The following TCF7L1 variants were observed in gnomAD, a reference collection of about 807,000 sequenced individuals.
TCF7L1 encodes transcription factor 7 like 1.
In TCF7L1, 18 loss-of-function variants were observed where a neutral mutation model predicts 63.7. The ratio of observed to expected loss-of-function variants is 0.28; its 90% CI spans 0.20 to 0.42. The LOEUF (loss-of-function observed/expected upper bound fraction) is 0.42. TCF7L1 is among the 10% of genes least tolerant of loss of function. TCF7L1 has a pLI of 1.00. For missense variants in TCF7L1, 654 were observed against 779.3 expected (o/e 0.84, Z 1.91); for synonymous variants, 355 against 340.9 (o/e 1.04, Z -0.46).
At chr2:85,150,056 T>C (rs7570315) in intron 3 of TCF7L1, among the ~76,000 whole-genome samples, 13,400 of 152,282 alleles carry the variant, frequency 0.088, 679 homozygotes, top group African/African-American at 0.11. Flanking sequence ...ATGGAACTTA[T>C]TAAGATTTTG....
In TCF7L1 at chr2:85,238,777, TTTTATTTATTTATTTATTTA is replaced by T. The variant is rs200688175; in HGVS notation, c.442-44682_442-44663del. 5.7e-3 allele frequency among the ~76,000 whole-genome samples: 795 copies of T among 139,450 alleles called. 4 individuals carry two copies. The highest frequency in any genetic ancestry group is 8.0e-3 in the African/African-American group (303 of 37,872). The allele number at this position is 139,450 out of a possible 152,430, so 91.5% of individuals were successfully genotyped here. On this transcript the variant is annotated intron_variant, in intron 3 of 11. Coordinates refer to ENST00000282111, the MANE Select transcript of TCF7L1 (RefSeq NM_031283.3). ...GGACAGGGAACAATCTTTTGGAGCATTTTATTTATTTATTTATTTATTTATTTATTTATTTATTTATTTAT... is the reference window on the plus strand; with the variant it reads ...GGACAGGGAACAATCTTTTGGAGCATTTTATTTATTTATTTATTTATTTAT...
chr2:85,278,401 A>G (rs2104363318), intron 3 of TCF7L1, among the ~76,000 whole-genome samples: 1 of 152,382 alleles, frequency 6.6e-6, no homozygotes, highest in East Asian at 1.9e-4. Context: ...TTAGGAATGT[A>G]AAAGTCAAAA....
intron 3 of TCF7L1, chr2:85,186,304 T>C (rs1198377543): frequency 6.6e-6 from 1 of 152,118 alleles, no homozygotes; most frequent in Non-Finnish European, 1.5e-5. Flanking sequence ...CAAAGTAACA[T>C]GGAAAAGCTA....
chr2:85,181,009 A>G (rs1013361257), intron 3 of TCF7L1, among the ~76,000 whole-genome samples: 2 of 152,196 alleles, frequency 1.3e-5, no homozygotes, highest in African/African-American at 4.8e-5. Context: ...GGAGCAGTCA[A>G]CTGTTTCTCC....
intron 3 of TCF7L1, among the ~76,000 whole-genome samples, chr2:85,199,483 G>A (rs1372575241): frequency 1.3e-5 from 2 of 152,162 alleles, no homozygotes; most frequent in South Asian, 2.1e-4. Flanking sequence ...AAATTCTAGG[G>A]CAGTGGTTCT....
At chr2:85,147,180 C>A (rs1677898387) in intron 3 of TCF7L1, among the ~76,000 whole-genome samples, 1 of 152,200 alleles carries the variant, frequency 6.6e-6, no homozygotes. Flanking sequence ...CATTCAAAGT[C>A]CCTGTAGTCT....
rs202134516 is a variant in TCF7L1, at chr2:85,134,009, T to A, written c.250-7T>A. The A allele has an allele frequency of 1.4e-4, 226 of 1,609,204 alleles. 1 individual carries two copies. Among genetic ancestry groups the A allele is most frequent in the Admixed American group, 3.3e-5 (2 of 59,710 alleles). On this transcript the variant is annotated splice_region_variant and splice_polypyrimidine_tract_variant and intron_variant, in intron 1 of 11. Transcript: ENST00000282111. The surrounding 1 kb of genome is among the most constrained non-coding windows in gnomAD (Gnocchi z 5.0). ...CACCCGCTCTTGCCTTTGTGTCTCC[T>A]CCGCAGGCGGAGAGGCGCCCGCAGC...
intron 3 of TCF7L1, among the ~76,000 whole-genome samples, chr2:85,262,751 C>T (rs1206483314): frequency 6.6e-6 from 1 of 152,140 alleles, no homozygotes; most frequent in Admixed American, 6.5e-5. Context: ...GGTTGTGGTC[C>T]CTAGAGTTGG....
intron 3 of TCF7L1, among the ~76,000 whole-genome samples, chr2:85,231,614 C>A (rs1680082902): frequency 6.6e-6 from 1 of 152,180 alleles, no homozygotes; most frequent in Non-Finnish European, 1.5e-5. Context: ...GGACACCAGT[C>A]CCTGGGCACC....
intron 3 of TCF7L1, among the ~76,000 whole-genome samples, chr2:85,153,797 C>T (rs1392590747): frequency 6.6e-6 from 1 of 152,204 alleles, no homozygotes; most frequent in South Asian, 2.1e-4. Context: ...ATTCTTTGCA[C>T]ACAAAGTCTG....
At chr2:85,245,827 A>T (rs1487306712) in intron 3 of TCF7L1, among the ~76,000 whole-genome samples, 3 of 148,740 alleles carry the variant, frequency 2.0e-5, no homozygotes, top group Non-Finnish European at 4.5e-5. Context: ...AAAAAAATTA[A>T]TTAATTAAAA....
At chr2:85,275,174 G>A (rs1681243127) in intron 3 of TCF7L1, among the ~76,000 whole-genome samples, 1 of 152,176 alleles carries the variant, frequency 6.6e-6, no homozygotes, top group Admixed American at 6.5e-5. Context: ...AGACCATCTA[G>A]TCCAGGCCCC....
In TCF7L1 at chr2:85,269,619, C is replaced by CTTAAATACTTAAATATT. The variant is rs1158695101; in HGVS notation, c.442-13854_442-13838dup. Among the ~76,000 whole-genome samples the CTTAAATACTTAAATATT allele has an allele frequency of 2.6e-5, 4 of 152,272 alleles. No homozygotes were observed. In the South Asian group the frequency reaches 8.3e-4, roughly 32 times the overall value. ...CACCACACCCAGCCAAAAATACTGG[C>CTTAAATACTTAAATATT]TTAAATACTTAAATATTTTAAATAC... On this transcript the variant is annotated intron_variant, in intron 3 of 11. Transcript: ENST00000282111.
intron 3 of TCF7L1, among the ~76,000 whole-genome samples, chr2:85,226,916 A>G (rs150035919): frequency 1.3e-5 from 2 of 151,346 alleles, no homozygotes; most frequent in African/African-American, 4.9e-5. Context: ...TAAATTGAAC[A>G]CAAGGTCTTG....
At chr2:85,143,594 G>A (rs1391694238) in intron 3 of TCF7L1, among the ~76,000 whole-genome samples, 1 of 152,158 alleles carries the variant, frequency 6.6e-6, no homozygotes, top group East Asian at 1.9e-4. Context: ...CAAGTATCTC[G>A]TACAAGGTTA....
chr2:85,171,272 G>A (rs556948317), intron 3 of TCF7L1, among the ~76,000 whole-genome samples: 6 of 152,194 alleles, frequency 3.9e-5, no homozygotes, highest in Non-Finnish European at 7.3e-5. Flanking sequence ...TCCATGACTC[G>A]TGGGAATTGT....
chr2:85,225,289 A>G (rs943485172), intron 3 of TCF7L1, among the ~76,000 whole-genome samples: 4 of 152,188 alleles, frequency 2.6e-5, no homozygotes, highest in Non-Finnish European at 2.9e-5. Context: ...TGAAATTTAA[A>G]GTAGTTTTTT....
At chr2:85,180,163 G>C (rs1301421182) in intron 3 of TCF7L1, among the ~76,000 whole-genome samples, 1 of 151,932 alleles carries the variant, frequency 6.6e-6, no homozygotes, top group African/African-American at 2.4e-5. Context: ...GGAGATGTGA[G>C]GCTGAGAATC....
chr2:85,283,265 T>TCCCCCCC (rs35610133), intron 3 of TCF7L1, among the ~76,000 whole-genome samples: 13 of 109,744 alleles, frequency 1.2e-4, no homozygotes, highest in African/African-American at 3.4e-4. Flanking sequence ...GTCATTCGTG[T>TCCCCCCC]CCCCCCCCCC....
Sources: allele counts gnomAD v4.1 joint callset (sites outside exome capture counted in the v4.1 genomes callset), GRCh38; gene constraint gnomAD v4.1.1; non-coding constraint Gnocchi (gnomAD v3.1); transcripts MANE v1.5; gene names NCBI Gene and HGNC (gene_info 2026-07-23, HGNC 2026-07-21).